TRIM8: variants seen among roughly 807,000 people sequenced by gnomAD.
TRIM8 encodes the protein E3 ubiquitin-protein ligase TRIM8.
TRIM8 carries 9 observed loss-of-function variants against 55.7 expected under a neutral mutation model. That is an observed-to-expected ratio of 0.16 (90% CI 0.10 to 0.28). The LOEUF (loss-of-function observed/expected upper bound fraction) is 0.28. Ranked by LOEUF, TRIM8 falls within the 10% of genes least tolerant of loss-of-function variation. The pLI, the probability that TRIM8 is intolerant of heterozygous loss-of-function variation, is 1.00. For missense variants in TRIM8, 556 were observed against 736.4 expected (o/e 0.76, Z 2.83); for synonymous variants, 335 against 333.3 (o/e 1.01, Z -0.06).
intron 1 of TRIM8, among the ~76,000 whole-genome samples, chr10:102,646,678 G>A (rs552064184): frequency 1.3e-5 from 2 of 152,270 alleles, no homozygotes; most frequent in Non-Finnish European, 2.9e-5. Flanking sequence ...CTCCATCCCC[G>A]TTCAGGGCAG....
At chr10:102,655,465 G>A (rs903220840) in intron 3 of TRIM8, 152 bp downstream of exon 3, 7 of 757,194 alleles carry the variant, frequency 9.2e-6, no homozygotes, top group African/African-American at 8.9e-5. Context: ...CTAGCACTGT[G>A]ACCTTGGGCA....
chr10:102,656,582 G>T lies in TRIM8; in HGVS notation c.1049-165G>T. On this transcript the variant is annotated intron_variant, in intron 5 of 5. Transcript: ENST00000643721. This position sits in a 1 kb window ranked among gnomAD's most constrained non-coding sequence, Gnocchi z 4.6. The stretch of plus-strand genomic sequence containing the variant: ...CTCCATTTCTTCAGCTTAAAGTGGG[G>T]ATATAACTATTCTGTACCTCCTAAT... 1 of 1,312,328 alleles carries T rather than the reference G, an allele frequency of 7.6e-7. No individual in the cohort carries two copies. Among genetic ancestry groups the T allele is most frequent in the Non-Finnish European group, 1.0e-6 (1 of 969,442 alleles). The allele number at this position is 1,312,328 out of a possible 1,614,324, so 81.3% of individuals were successfully genotyped here.
At chr10:102,655,542 A>G (rs1045585459) in intron 3 of TRIM8, among the ~76,000 whole-genome samples, 4 of 152,166 alleles carry the variant, frequency 2.6e-5, no homozygotes, top group Admixed American at 2.6e-4. Context: ...CAGGTCTACT[A>G]TTCTTTATCC....
In TRIM8 at chr10:102,657,081, C is replaced by T. The variant is rs1184390842; in HGVS notation, c.1383C>T (p.Gly461=). ...AAQQPMLPQY[G]GRKILVCSVD... ...AGCAGCCCATGCTCCCCCAGTATGGCGGCCGCAAGATTCTCGTCTGTTCTG... is the reference window on the plus strand; with the variant it reads ...AGCAGCCCATGCTCCCCCAGTATGGTGGCCGCAAGATTCTCGTCTGTTCTG... The change falls in exon 6 of 6, where the codon GGC becomes GGT. Residue 461 remains glycine (G), a synonymous_variant. Transcript: ENST00000643721. 1.2e-6 allele frequency: 2 copies of T among 1,613,600 alleles called. No individual in the cohort carries two copies. The highest frequency in any genetic ancestry group is 1.3e-5 in the African/African-American group (1 of 75,054).
Position 102,656,682 on chromosome 10 carries a change from A to T in TRIM8, c.1049-65A>T, listed in dbSNP as rs1434096616. ...TGTCAATGGTCCCCAGGTCCAACCC[A>T]GGGAGAGGAGGCCTGGGTTGCTTGG... On this transcript the variant is annotated intron_variant, in intron 5 of 5. Transcript: ENST00000643721. This position sits in a 1 kb window ranked among gnomAD's most constrained non-coding sequence, Gnocchi z 4.6. 8 of 1,505,412 alleles carry T rather than the reference A, an allele frequency of 5.3e-6. No individual in the cohort carries two copies. In the Admixed American group the frequency reaches 1.6e-4, roughly 31 times the overall value. The allele number at this position is 1,505,412 out of a possible 1,614,324, so 93.3% of individuals were successfully genotyped here. A position where few individuals can be genotyped will look rare whatever the true frequency, so the allele number is the denominator to read the frequency against.
In TRIM8 at chr10:102,657,050, C is replaced by CCGCCCAGCAGCCCATGCT. The variant is rs2064032020; in HGVS notation, c.1354_1371dup (p.Ala452_Leu457dup). 1.2e-6 allele frequency: 2 copies of CCGCCCAGCAGCCCATGCT among 1,613,212 alleles called. No homozygotes were observed. The highest frequency in any genetic ancestry group is 1.7e-6 in the Non-Finnish European group (2 of 1,179,988). On this transcript the variant is annotated inframe_insertion, in exon 6 of 6. Coordinates refer to ENST00000643721, the MANE Select transcript of TRIM8 (RefSeq NM_030912.3). Reference sequence around the variant, plus strand: ...CCATCGCAGTATCCCAATGGCTCCGCCGCCCAGCAGCCCATGCTCCCCCAG... The same window carrying CCGCCCAGCAGCCCATGCT: ...CCATCGCAGTATCCCAATGGCTCCGCCGCCCAGCAGCCCATGCTCGCCCAGCAGCCCATGCTCCCCCAG...
At position 102,657,542 on chromosome 10, in the gene TRIM8, C is replaced by T; in HGVS notation, c.*188C>T. On this transcript the variant is annotated 3_prime_UTR_variant, in exon 6 of 6. Transcript: ENST00000643721. ...TTTTTGATTTTTTTTTATTATGAATCTCCTGGACGCAGAGGTGACAGTGGG... is the reference window on the plus strand; with the variant it reads ...TTTTTGATTTTTTTTTATTATGAATTTCCTGGACGCAGAGGTGACAGTGGG... The T allele has an allele frequency of 1.4e-6, 1 of 729,524 alleles. No homozygotes were observed. Among genetic ancestry groups the T allele is most frequent in the Non-Finnish European group, 2.1e-6 (1 of 476,068 alleles). The allele number at this position is 729,524 out of a possible 1,614,324, so 45.2% of individuals were successfully genotyped here. A position where few individuals can be genotyped will look rare whatever the true frequency, so the allele number is the denominator to read the frequency against.
chr10:102,651,281 T>C (rs1217188200), intron 1 of TRIM8, among the ~76,000 whole-genome samples: 1 of 151,828 alleles, frequency 6.6e-6, no homozygotes, highest in Admixed American at 6.5e-5. Flanking sequence ...GCTCCCAGGG[T>C]AGAAGTGCTG....
rs1027926782 is a variant in TRIM8 at position 102,657,237 on chromosome 10, C to T, written c.1539C>T (p.Pro513=). The change falls in exon 6 of 6, where the codon CCC becomes CCT. Residue 513 remains proline (P), a synonymous_variant. Coordinates refer to ENST00000643721, the MANE Select transcript of TRIM8 (RefSeq NM_030912.3). ...CGCTCCCGCCCACACCCTCCGTCCC[C>T]CAGTCCCTTCCCAGCCTGGCGGTCA... ...SHPLPPTPSV[P]QSLPSLAVRD... 1.9e-6 allele frequency: 3 copies of T among 1,613,934 alleles called. No homozygotes were observed. The African/African-American group carries it at 4.0e-5, about 22-fold the overall frequency.
At position 102,644,661 on chromosome 10, in the gene TRIM8, G is replaced by A; in HGVS notation, c.44G>A (p.Cys15Tyr). 6.2e-7 allele frequency: 1 copy of A among 1,613,418 alleles called. No homozygotes were observed. The highest frequency in any genetic ancestry group is 8.5e-7 in the Non-Finnish European group (1 of 1,179,932). ...WKNCFEEELI[C>Y]PICLHVFVEP... is the part of the protein sequence containing the mutation. Reference sequence around the variant, plus strand: ...AACTGCTTCGAGGAGGAGCTCATCTGCCCTATCTGCCTGCACGTTTTCGTG... The same window carrying A: ...AACTGCTTCGAGGAGGAGCTCATCTACCCTATCTGCCTGCACGTTTTCGTG... Residue 15 changes from cysteine (C) to tyrosine (Y), a missense_variant, in exon 1 of 6, where the codon TGC becomes TAC. This residue lies in a region of TRIM8 where 165 missense variants were observed against 295.3 expected (regional missense o/e 0.56). Transcript: ENST00000643721.
At chr10:102,649,298 TGTGA>T (rs1174733447) in intron 1 of TRIM8, 1 of 152,520 alleles carries the variant, frequency 6.6e-6, no homozygotes, top group Non-Finnish European at 1.5e-5. Flanking sequence ...GCTTGGTGGC[TGTGA>T]GTTTGTCAGG....
At position 102,656,899 on chromosome 10, in the gene TRIM8, G is replaced by C. The variant is rs921786809; in HGVS notation, c.1201G>C (p.Gly401Arg). The change falls in exon 6 of 6, where the codon GGG (glycine) becomes CGG (arginine). Residue 401 changes from glycine to arginine, a missense_variant. Physicochemically the swap from Gly to Arg is moderately radical, Grantham distance 125 (BLOSUM62 -2). This residue lies in a region of TRIM8 where 391 missense variants were observed against 441.0 expected (regional missense o/e 0.89). Transcript: ENST00000643721. The surrounding 1 kb of genome is among the most constrained non-coding windows in gnomAD (Gnocchi z 4.6). ...GTCGGGCCCTGTGGGCGGCCAGTAC[G>C]GGGCGGCGGGCACAGCCAGCGGTGA... Reference protein sequence around the residue: ...TSSGPVGGQYGAAGTASGEGQ... With the variant: ...TSSGPVGGQYRAAGTASGEGQ... 1.9e-6 allele frequency: 3 copies of C among 1,594,482 alleles called. No individual in the cohort carries two copies. The highest frequency in any genetic ancestry group is 2.6e-6 in the Non-Finnish European group (3 of 1,169,936).
intron 1 of TRIM8, chr10:102,645,583 T>G: frequency 5.8e-6 from 1 of 171,914 alleles, no homozygotes. Context: ...GTAATGAGTG[T>G]CCCGGTGCCG....
intron 3 of TRIM8, among the ~76,000 whole-genome samples, chr10:102,655,639 G>C (rs1363491233): frequency 2.6e-5 from 4 of 152,176 alleles, no homozygotes; most frequent in African/African-American, 9.7e-5. Flanking sequence ...ACTGATGTTA[G>C]GCAATTTATG....
chr10:102,657,209 A>ACCCGCT lies in TRIM8; in HGVS notation c.1517_1522dup (p.Leu506_Pro507dup). On this transcript the variant is annotated inframe_insertion, in exon 6 of 6. Transcript: ENST00000643721. Reference sequence around the variant, plus strand: ...ACAGTGCCCTCGCAGGAGTACTCACACCCGCTCCCGCCCACACCCTCCGTC... The same window carrying ACCCGCT: ...ACAGTGCCCTCGCAGGAGTACTCACACCCGCTCCCGCTCCCGCCCACACCCTCCGTC... 1 of 1,612,984 alleles carries ACCCGCT rather than the reference A, an allele frequency of 6.2e-7. No homozygotes were observed. Among genetic ancestry groups the ACCCGCT allele is most frequent in the Non-Finnish European group, 8.5e-7 (1 of 1,179,656 alleles).
intron 1 of TRIM8, among the ~76,000 whole-genome samples, chr10:102,648,482 A>G (rs2063953671): frequency 6.6e-6 from 1 of 152,150 alleles, no homozygotes; most frequent in Admixed American, 6.5e-5. Context: ...TCAGAGGTTC[A>G]GAGTCAAGAA....
At chr10:102,645,651 C>T (rs1262486808) in intron 1 of TRIM8, 1 of 154,342 alleles carries the variant, frequency 6.5e-6, no homozygotes, top group Non-Finnish European at 1.4e-5. Flanking sequence ...TAAACAAAAG[C>T]AGCCATGTTA....
At chr10:102,648,896 G>A in intron 1 of TRIM8, among the ~76,000 whole-genome samples, 1 of 152,186 alleles carries the variant, frequency 6.6e-6, no homozygotes, top group East Asian at 1.9e-4. Context: ...GCCCGTGAAA[G>A]GGAGCCTCAG....
intron 2 of TRIM8, 72 bp from the exon 3 acceptor site, chr10:102,655,008 G>C: frequency 6.5e-7 from 1 of 1,535,560 alleles, no homozygotes. Context: ...GATGTGAGAA[G>C]GGTAAGAGGG....
Sources: allele counts gnomAD v4.1 joint callset (sites outside exome capture counted in the v4.1 genomes callset), GRCh38; gene constraint gnomAD v4.1.1; regional missense constraint gnomAD v4.1.1; non-coding constraint Gnocchi (gnomAD v3.1); transcripts MANE v1.5; gene names NCBI Gene and HGNC (gene_info 2026-07-23, HGNC 2026-07-21).